The following PCDH7 variants were observed in gnomAD, a reference collection of about 807,000 sequenced individuals.
PCDH7 encodes protocadherin-7.
A neutral mutation model predicts 58.9 loss-of-function variants in PCDH7; 17 were observed. The ratio of observed to expected loss-of-function variants is 0.29; its 90% confidence interval spans 0.20 to 0.43. The LOEUF (loss-of-function observed/expected upper bound fraction) is 0.43. Ranked by LOEUF, PCDH7 falls within the 20% of genes least tolerant of loss-of-function variation. PCDH7 has a pLI of 1.00. For missense variants in PCDH7, 1,274 were observed against 1,441.0 expected (o/e 0.88, Z 1.88); for synonymous variants, 664 against 616.4 (o/e 1.08, Z -1.14).
chr4:31,050,246 G>A lies in PCDH7; in HGVS notation c.*8-92227G>A, dbSNP rs537302679. Among the ~76,000 whole-genome samples the A allele has an allele frequency of 5.3e-5, 8 of 152,140 alleles. No individual in the cohort carries two copies. The East Asian group carries it at 9.7e-4, about 18-fold the overall frequency. On this transcript the variant is annotated intron_variant, in intron 3 of 3. Coordinates refer to the PCDH7 transcript ENST00000509759. ...GTCAGATTCATTGCACATCAATTTC[G>A]AGAAAAAACTTATAAAAATATCCTG...
Position 31,122,946 on chromosome 4 carries a change from T to TA in PCDH7, c.*8-19523dup, listed in dbSNP as rs200270293. On this transcript the variant is annotated intron_variant, in intron 3 of 3. Coordinates refer to the PCDH7 transcript ENST00000509759. The stretch of plus-strand genomic sequence containing the variant: ...GTTAACTTTGAATAGCTAGTAATTA[T>TA]AAAATACAATGCCAACTGTCAGAAA... Among the ~76,000 whole-genome samples, 139 of 152,146 alleles carry TA rather than the reference T, an allele frequency of 9.1e-4. 2 individuals carry two copies. In the East Asian group the frequency reaches 0.026, roughly 29 times the overall value.
chr4:30,970,363 C>T (rs1039051751), intron 3 of PCDH7, among the ~76,000 whole-genome samples: 2 of 151,590 alleles, frequency 1.3e-5, no homozygotes, highest in East Asian at 1.9e-4. Flanking sequence ...GGCACGATCT[C>T]GGCTCACTGC....
intron 3 of PCDH7, among the ~76,000 whole-genome samples, chr4:30,988,166 G>A (rs1033506230): frequency 2.6e-5 from 4 of 152,106 alleles, no homozygotes; most frequent in African/African-American, 4.8e-5. Context: ...ATATGAAAAC[G>A]TTAGACATCA....
chr4:30,723,364 G>T lies in PCDH7; in HGVS notation c.1942G>T (p.Val648Leu), dbSNP rs1259836732. ...TATGCAGGACGTCTTCACCTTTTAT[G>T]TGAAAGAAAACTTGCAGCCCAACAG... The change falls in exon 1 of 2, where the codon GTG (valine) becomes TTG (leucine). Residue 648 changes from valine (V) to leucine (L), a missense_variant. Around this residue, in one of 3 missense-constraint regions of PCDH7, gnomAD observed 731 missense variants for 881.9 expected, o/e 0.83. Transcript: ENST00000361762. The surrounding 1 kb of genome is among the most constrained non-coding windows in gnomAD (Gnocchi z 4.6). 1 of 1,614,274 alleles carries T rather than the reference G, an allele frequency of 6.2e-7. No individual in the cohort carries two copies.
chr4:30,863,852 G>T (rs36030818), intron 1 of PCDH7, among the ~76,000 whole-genome samples: 3,056 of 152,176 alleles, frequency 0.02, 47 homozygotes, highest in Non-Finnish European at 0.032. Context: ...ATTCTGTGCA[G>T]AAATATCAAC....
At chr4:31,114,629 A>G (rs2109315447) in intron 3 of PCDH7, among the ~76,000 whole-genome samples, 1 of 110,116 alleles carries the variant, frequency 9.1e-6, no homozygotes, top group Non-Finnish European at 1.8e-5. Flanking sequence ...ACTCACACAT[A>G]CAAACACACA....
rs1190443409 is a variant in PCDH7 at position 31,097,587 on chromosome 4, CATATATATATATATATATATATAT to C, written c.*8-44858_*8-44835del. Among the ~76,000 whole-genome samples the C allele has an allele frequency of 9.1e-3, 365 of 40,098 alleles. 7 individuals are homozygous for C. Among genetic ancestry groups the C allele is most frequent in the Non-Finnish European group, 0.015 (282 of 18,832 alleles). The allele number at this position is 40,098 out of a possible 152,430, so 26.3% of individuals were successfully genotyped here. ...TGTGGCTGTTTTTCCTCCAAATATA[CATATATATATATATATATATATAT>C]ATATATATATATATATATATATATA... On this transcript the variant is annotated intron_variant, in intron 3 of 3. Coordinates refer to the PCDH7 transcript ENST00000509759.
chr4:31,097,157 A>C lies in PCDH7; in HGVS notation c.*8-45316A>C, dbSNP rs183732622. Among the ~76,000 whole-genome samples, 7 of 152,182 alleles carry C rather than the reference A, an allele frequency of 4.6e-5. No homozygotes were observed. The East Asian group carries it at 1.4e-3, about 30-fold the overall frequency. On this transcript the variant is annotated intron_variant, in intron 3 of 3. Transcript: ENST00000509759. ...TGCTTGCCATTTTTTAGACCATGAC[A>C]TACTTCTATCTTTAAGTGTCTGGGC...
intron 1 of PCDH7, among the ~76,000 whole-genome samples, chr4:30,834,843 C>A (rs1730270802): frequency 1.3e-5 from 2 of 151,396 alleles, no homozygotes; most frequent in Non-Finnish European, 1.5e-5. Flanking sequence ...TGACACAAAG[C>A]AATATTTTTC....
In PCDH7 at chr4:31,113,106, TTC is replaced by T. The variant is rs1560235885; in HGVS notation, c.*8-29365_*8-29364del. 2.6e-5 allele frequency among the ~76,000 whole-genome samples: 4 copies of T among 152,320 alleles called. No homozygotes were observed. The East Asian group carries it at 7.7e-4, about 29-fold the overall frequency. On this transcript the variant is annotated intron_variant, in intron 3 of 3. Coordinates refer to the PCDH7 transcript ENST00000509759. ...ATACTATTTAATACTAAAATTGACC[TTC>T]TTTTGTCTGTATTTAGAGATTGTTT...
intron 3 of PCDH7, among the ~76,000 whole-genome samples, chr4:30,997,025 A>G (rs1751955084): frequency 6.6e-6 from 1 of 152,064 alleles, no homozygotes; most frequent in African/African-American, 2.4e-5. Flanking sequence ...TAACTGTAAA[A>G]TCAGTGAACC....
chr4:30,783,923 C>A (rs1319873292), intron 1 of PCDH7, among the ~76,000 whole-genome samples: 1 of 151,912 alleles, frequency 6.6e-6, no homozygotes, highest in East Asian at 1.9e-4. Context: ...GATGTGGCTT[C>A]ATCTGCATTT....
At chr4:30,909,656 A>G (rs1219154351) in intron 1 of PCDH7, among the ~76,000 whole-genome samples, 1 of 152,190 alleles carries the variant, frequency 6.6e-6, no homozygotes, top group African/African-American at 2.4e-5. Context: ...ACTACAAACC[A>G]CTGCTCAAGG....
At chr4:31,122,447 T>C (rs554231611) in intron 3 of PCDH7, among the ~76,000 whole-genome samples, 1 of 152,320 alleles carries the variant, frequency 6.6e-6, no homozygotes, top group Non-Finnish European at 1.5e-5. Flanking sequence ...TTAATTCTCT[T>C]GCTTTTGCAC....
chr4:31,038,189 C>G (rs542059926), intron 3 of PCDH7, among the ~76,000 whole-genome samples: 3 of 151,844 alleles, frequency 2.0e-5, no homozygotes, highest in Admixed American at 6.6e-5. Flanking sequence ...GGAAGAGTTC[C>G]GAGGAGATTG....
intron 1 of PCDH7, among the ~76,000 whole-genome samples, chr4:30,745,415 A>T (rs907773342): frequency 6.6e-6 from 1 of 151,898 alleles, no homozygotes; most frequent in Non-Finnish European, 1.5e-5. Flanking sequence ...TCCTATTAAC[A>T]CTGGTACTTG....
At chr4:30,868,808 T>C (rs1047059283) in intron 1 of PCDH7, among the ~76,000 whole-genome samples, 2 of 152,120 alleles carry the variant, frequency 1.3e-5, no homozygotes, top group African/African-American at 4.8e-5. Context: ...TGCATCTGTA[T>C]AGCCATATGC....
chr4:30,966,449 G>T (rs1439155641), intron 3 of PCDH7, among the ~76,000 whole-genome samples: 1 of 152,106 alleles, frequency 6.6e-6, no homozygotes, highest in African/African-American at 2.4e-5. Context: ...AGTGTTTCAT[G>T]TCAGTTTTAA....
chr4:30,742,223 G>C (rs957741492), intron 1 of PCDH7, among the ~76,000 whole-genome samples: 2 of 152,006 alleles, frequency 1.3e-5, no homozygotes, highest in Admixed American at 1.3e-4. Context: ...CACAAGTCAG[G>C]GCTTCCTAGT....
Sources: allele counts gnomAD v4.1 joint callset (sites outside exome capture counted in the v4.1 genomes callset), GRCh38; gene constraint gnomAD v4.1.1; regional missense constraint gnomAD v4.1.1; non-coding constraint Gnocchi (gnomAD v3.1); transcripts MANE v1.5; gene names NCBI Gene and HGNC (gene_info 2026-07-23, HGNC 2026-07-21).